Variants in ADAM28 observed in about 807,000 individuals in gnomAD.
ADAM28 encodes the protein disintegrin and metalloproteinase domain-containing protein 28.
Under a neutral mutation model 101.2 loss-of-function variants are expected in ADAM28, and 105 were observed. The ratio of observed to expected loss-of-function variants is 1.04; its 90% CI spans 0.89 to 1.22. The LOEUF (loss-of-function observed/expected upper bound fraction) is 1.22, where lower values mean the gene tolerates loss of function less well. ADAM28 is among the 50% of genes most tolerant of loss of function. ADAM28 has a pLI of 0.00. For missense variants in ADAM28, 1,028 were observed against 945.4 expected (o/e 1.09, Z -1.15); for synonymous variants, 322 against 310.6 (o/e 1.04, Z -0.39).
At chr8:24,308,903 G>C (rs1175228155) in intron 2 of ADAM28, 1 of 327,894 alleles carries the variant, frequency 3.0e-6, no homozygotes, top group Non-Finnish European at 6.1e-6. Context: ...GAGAAGGAAG[G>C]CTTGAGCTTA....
chr8:24,331,449 C>T, intron 12 of ADAM28, 122 bp downstream of exon 12: 1 of 940,728 alleles, frequency 1.1e-6, no homozygotes, highest in South Asian at 2.3e-5. Flanking sequence ...TGGGTACGCC[C>T]ATTTGTAGGT....
At position 24,358,223 on chromosome 8, in the gene ADAM28, T is replaced by C. The variant is rs1816804564; in HGVS notation, c.*3819T>C. On this transcript the variant is annotated 3_prime_UTR_variant, in exon 23 of 23. Coordinates refer to ENST00000265769, the MANE Select transcript of ADAM28 (RefSeq NM_014265.6). The stretch of plus-strand genomic sequence containing the variant: ...CACTTGACTAGTATGTTCCCCATCA[T>C]TCAAAGACACCATTATTTCCTAAGT... 1 of 152,242 alleles carries C rather than the reference T, an allele frequency of 6.6e-6. No homozygotes were observed. The highest frequency in any genetic ancestry group is 1.5e-5 in the Non-Finnish European group (1 of 68,040). The allele number at this position is 152,242 out of a possible 1,614,324, so 9.4% of individuals were successfully genotyped here.
rs914116065 is a variant in ADAM28 at position 24,357,638 on chromosome 8, T to G, written c.*3234T>G. ...TCCCTCCCTCAACATGTGGAGATTATAGCAATTAAAAAAATGAGATTTGGG... is the reference window on the plus strand; with the variant it reads ...TCCCTCCCTCAACATGTGGAGATTAGAGCAATTAAAAAAATGAGATTTGGG... On this transcript the variant is annotated 3_prime_UTR_variant, in exon 23 of 23. Coordinates refer to ENST00000265769, the MANE Select transcript of ADAM28 (RefSeq NM_014265.6). 3.3e-5 allele frequency: 5 copies of G among 152,164 alleles called. No individual in the cohort carries two copies. Among genetic ancestry groups the G allele is most frequent in the African/African-American group, 4.8e-5 (2 of 41,448 alleles). The allele number at this position is 152,164 out of a possible 1,614,324, so 9.4% of individuals were successfully genotyped here. A position where few individuals can be genotyped will look rare whatever the true frequency, so the allele number is the denominator to read the frequency against.
At chr8:24,313,086 T>C (rs1810686754) in intron 5 of ADAM28, among the ~76,000 whole-genome samples, 1 of 152,216 alleles carries the variant, frequency 6.6e-6, no homozygotes, top group South Asian at 2.1e-4. Flanking sequence ...GCATTAAAAT[T>C]GGAAGAATGC....
At chr8:24,343,474 C>T (rs373909436) in intron 17 of ADAM28, 32 bp from the exon 18 acceptor site, 25 of 1,604,070 alleles carry the variant, frequency 1.6e-5, no homozygotes, top group Middle Eastern at 1.7e-4. Flanking sequence ...GTCAGCCTAG[C>T]GGGGACAGTA....
chr8:24,330,373 C>T (rs902902862), intron 11 of ADAM28, among the ~76,000 whole-genome samples: 7 of 152,080 alleles, frequency 4.6e-5, no homozygotes, highest in East Asian at 1.9e-4. Context: ...TCAGAAAAAT[C>T]GTTAGCATTT....
At chr8:24,320,998 T>C (rs902339892) in intron 7 of ADAM28, among the ~76,000 whole-genome samples, 2 of 151,940 alleles carry the variant, frequency 1.3e-5, no homozygotes, top group Non-Finnish European at 2.9e-5. Flanking sequence ...AGCTTTATAC[T>C]GAGCTAGTAC....
chr8:24,354,402 T>G lies in ADAM28; in HGVS notation c.2326T>G (p.Ter776GlyextTer4), dbSNP rs148233980. 1.6e-4 allele frequency: 261 copies of G among 1,603,226 alleles called. No homozygotes were observed. The highest frequency in any genetic ancestry group is 2.0e-4 in the Non-Finnish European group (233 of 1,174,482). The part of the protein sequence containing the change: ...STPKDSNPKA[*>G] Reference sequence around the variant, plus strand: ...TTTTTAGGACTCAAATCCAAAAGCATGAAGCAACAGCTAAGCAAGAACTAA... The same window carrying G: ...TTTTTAGGACTCAAATCCAAAAGCAGGAAGCAACAGCTAAGCAAGAACTAA... Residue 776 changes from the stop codon to glycine, a stop_lost, in exon 23 of 23, where the codon TGA becomes GGA. Coordinates refer to ENST00000265769, the MANE Select transcript of ADAM28 (RefSeq NM_014265.6).
chr8:24,299,838 A>G, intron 1 of ADAM28, 136 bp from the exon 2 acceptor site: 1 of 612,608 alleles, frequency 1.6e-6, no homozygotes, highest in East Asian at 2.7e-5. Context: ...GTGTCAGCAC[A>G]TTAATCACTC....
At chr8:24,351,879 G>A in intron 20 of ADAM28, 108 bp from the exon 21 acceptor site, 1 of 1,015,364 alleles carries the variant, frequency 9.8e-7, no homozygotes, top group Non-Finnish European at 1.5e-6. Flanking sequence ...CTTGGTGTCA[G>A]CTTAGTTCCA....
chr8:24,325,718 C>T (rs966756451), intron 9 of ADAM28, among the ~76,000 whole-genome samples: 1 of 150,980 alleles, frequency 6.6e-6, no homozygotes, highest in African/African-American at 2.4e-5. Flanking sequence ...TCATTTTATA[C>T]AGCAGAATTA....
At chr8:24,336,012 A>G in intron 14 of ADAM28, 1 of 1,013,448 alleles carries the variant, frequency 9.9e-7, no homozygotes, top group Non-Finnish European at 1.2e-6. Flanking sequence ...CTAAGATCAT[A>G]AACCCTTGGA....
At chr8:24,297,337 T>A (rs1038661090) in intron 1 of ADAM28, among the ~76,000 whole-genome samples, 4 of 152,164 alleles carry the variant, frequency 2.6e-5, no homozygotes. Flanking sequence ...AGATACTAAC[T>A]AGAAGCATAG....
In ADAM28 at chr8:24,358,640, GT is replaced by G. The variant is rs1214458865; in HGVS notation, c.*4238del. ...CATAAAAAGGCTTTCCCTTGACAAT[GT>G]TAGGCACTTTTTAGCAACTAGGCCT... On this transcript the variant is annotated 3_prime_UTR_variant, in exon 23 of 23. Transcript: ENST00000265769. 1 of 151,160 alleles carries G rather than the reference GT, an allele frequency of 6.6e-6. No homozygotes were observed. Among genetic ancestry groups the G allele is most frequent in the African/African-American group, 2.5e-5 (1 of 40,680 alleles). 9.4% of individuals were successfully genotyped at this position (151,160 alleles called of 1,614,324 possible).
At position 24,352,024 on chromosome 8, in the gene ADAM28, T is replaced by C. The variant is rs888833500; in HGVS notation, c.2216T>C (p.Val739Ala). The C allele has an allele frequency of 6.2e-7, 1 of 1,613,816 alleles. No individual in the cohort carries two copies. The highest frequency in any genetic ancestry group is 8.5e-7 in the Non-Finnish European group (1 of 1,179,782). The change falls in exon 21 of 23, where the codon GTA (valine) becomes GCA (alanine). Residue 739 changes from valine to alanine, a missense_variant. By Grantham distance (64) the Val-to-Ala change is moderately conservative. Coordinates refer to ENST00000265769, the MANE Select transcript of ADAM28 (RefSeq NM_014265.6). ...AAGCCCCATGTGTATGATCTGCCAG[T>C]AGAAGGCAATGAGCCCCCAGCCTCT... ...QMKPHVYDLP[V>A]EGNEPPASFH...
intron 10 of ADAM28, 24 bp from the exon 11 acceptor site, chr8:24,329,961 C>G (rs1393640195): frequency 6.3e-7 from 1 of 1,589,666 alleles, no homozygotes; most frequent in Non-Finnish European, 8.6e-7. Flanking sequence ...ATCAGAGAAT[C>G]TTTTTCTTCT....
At chr8:24,341,408 A>G in intron 15 of ADAM28, 190 bp from the exon 16 acceptor site, 1 of 584,028 alleles carries the variant, frequency 1.7e-6, no homozygotes, top group Non-Finnish European at 2.9e-6. Flanking sequence ...AATACTGTTT[A>G]TTTGAGCAAT....
intron 6 of ADAM28, among the ~76,000 whole-genome samples, chr8:24,317,409 G>T (rs74381157): frequency 0.098 from 14,937 of 151,816 alleles, 948 homozygotes; most frequent in East Asian, 0.25. Context: ...TTTTTGACAA[G>T]GGCACCAAAA....
chr8:24,305,223 G>A (rs1312888806), intron 2 of ADAM28, among the ~76,000 whole-genome samples: 1 of 151,636 alleles, frequency 6.6e-6, no homozygotes, highest in African/African-American at 2.4e-5. Context: ...AAGCTGACTT[G>A]CCATATTCAT....
Sources: allele counts gnomAD v4.1 joint callset (sites outside exome capture counted in the v4.1 genomes callset), GRCh38; gene constraint gnomAD v4.1.1; transcripts MANE v1.5; gene names NCBI Gene and HGNC (gene_info 2026-07-23, HGNC 2026-07-21).